TMIGD3: variants seen among roughly 807,000 people sequenced by gnomAD.
The protein encoded by TMIGD3 is transmembrane and immunoglobulin domain containing 3.
TMIGD3 carries 21 observed loss-of-function variants against 28.1 expected under a neutral mutation model. The ratio of observed to expected loss-of-function variants is 0.75; its 90% CI spans 0.53 to 1.08. TMIGD3 has a LOEUF of 1.08. Among genes scored for constraint, TMIGD3 ranks in the 50% least tolerant of loss-of-function variants. The pLI is 0.00. For missense variants in TMIGD3, 416 were observed against 435.6 expected (o/e 0.96, Z 0.40); for synonymous variants, 151 against 162.1 (o/e 0.93, Z 0.52).
intron 1 of TMIGD3, among the ~76,000 whole-genome samples, chr1:111,520,138 A>G (rs1459220573): frequency 6.6e-6 from 1 of 152,248 alleles, no homozygotes; most frequent in Non-Finnish European, 1.5e-5. Context: ...AACTAATAGT[A>G]AATTCTGCAG....
At chr1:111,555,395 CCAGA>C (rs1330295859) in intron 1 of TMIGD3, among the ~76,000 whole-genome samples, 443 of 114,930 alleles carry the variant, frequency 3.9e-3, no homozygotes, top group African/African-American at 0.016. Context: ...AAAAAAATTA[CCAGA>C]CATATTTGAA....
At chr1:111,508,154 G>A (rs1655574916), upstream of TMIGD3, among the ~76,000 whole-genome samples, 1 of 152,238 alleles carries the variant, frequency 6.6e-6, no homozygotes, top group Non-Finnish European at 1.5e-5. Flanking sequence ...GCCCCACGAA[G>A]GGGAGCTGCT....
At chr1:111,508,640 A>C (rs1402026350) in intron 1 of TMIGD3, among the ~76,000 whole-genome samples, 1 of 152,228 alleles carries the variant, frequency 6.6e-6, no homozygotes, top group African/African-American at 2.4e-5. Flanking sequence ...CAGAAGGTTG[A>C]GAAGCAGCTT....
At chr1:111,537,607 A>C (rs1275345877) in intron 1 of TMIGD3, among the ~76,000 whole-genome samples, 1 of 152,254 alleles carries the variant, frequency 6.6e-6, no homozygotes, top group Non-Finnish European at 1.5e-5. Context: ...GAACATCAGA[A>C]AGGACACCAG....
chr1:111,550,038 T>C (rs1261072361), intron 1 of TMIGD3, among the ~76,000 whole-genome samples: 1 of 152,234 alleles, frequency 6.6e-6, no homozygotes, highest in Non-Finnish European at 1.5e-5. Context: ...TTCTAGTCTT[T>C]CTTGAGTGAG....
chr1:111,559,622 T>C (rs1165517274), intron 1 of TMIGD3, among the ~76,000 whole-genome samples: 11 of 152,236 alleles, frequency 7.2e-5, no homozygotes, highest in African/African-American at 2.7e-4. Context: ...TGACACAAAC[T>C]ATATTTTGGG....
chr1:111,526,262 A>T (rs774173691), intron 1 of TMIGD3, among the ~76,000 whole-genome samples: 10 of 152,058 alleles, frequency 6.6e-5, no homozygotes, highest in Non-Finnish European at 1.2e-4. Flanking sequence ...AGTTCCCATA[A>T]TCTCCATGTG....
chr1:111,486,982 G>T (rs1213437586), intron 3 of TMIGD3, among the ~76,000 whole-genome samples: 2 of 152,210 alleles, frequency 1.3e-5, no homozygotes, highest in African/African-American at 4.8e-5. Flanking sequence ...CATAGTTACA[G>T]TCCTAAACTG....
At chr1:111,560,054 C>T (rs1429358964) in intron 1 of TMIGD3, among the ~76,000 whole-genome samples, 2 of 152,168 alleles carry the variant, frequency 1.3e-5, no homozygotes, top group African/African-American at 4.8e-5. Flanking sequence ...TCATTCAACA[C>T]TCTTTTACTG....
At chr1:111,535,745 A>G (rs1031560885) in intron 1 of TMIGD3, among the ~76,000 whole-genome samples, 4 of 152,280 alleles carry the variant, frequency 2.6e-5, no homozygotes, top group African/African-American at 7.2e-5. Context: ...CCAGGATTTT[A>G]CTCTCCAGAC....
intron 1 of TMIGD3, among the ~76,000 whole-genome samples, chr1:111,553,017 T>C (rs1657332586): frequency 6.6e-6 from 1 of 152,210 alleles, no homozygotes; most frequent in Non-Finnish European, 1.5e-5. Flanking sequence ...AGCTCCACTT[T>C]TGTGGAACTT....
chr1:111,487,662 T>C (rs1343477060), intron 3 of TMIGD3, among the ~76,000 whole-genome samples: 1 of 151,950 alleles, frequency 6.6e-6, no homozygotes, highest in African/African-American at 2.4e-5. Context: ...CAGCCAAGAG[T>C]TGTAATTTGT....
At chr1:111,555,876 C>A (rs966391684) in intron 1 of TMIGD3, among the ~76,000 whole-genome samples, 1 of 152,010 alleles carries the variant, frequency 6.6e-6, no homozygotes, top group Middle Eastern at 3.2e-3. Context: ...GGATATGACA[C>A]CAAAAGCAAA....
At chr1:111,489,851 A>G (rs1435182770) in intron 2 of TMIGD3, 1 of 667,472 alleles carries the variant, frequency 1.5e-6, no homozygotes, top group Non-Finnish European at 1.8e-6. Context: ...TCATCTCAGG[A>G]TATTGCACAA....
At chr1:111,498,605 T>C (rs1654999437) in intron 1 of TMIGD3, among the ~76,000 whole-genome samples, 1 of 152,252 alleles carries the variant, frequency 6.6e-6, no homozygotes, top group Non-Finnish European at 1.5e-5. Context: ...AGTTCTCCTG[T>C]AAGGCAGGGT....
At chr1:111,494,686 A>C (rs1654813513) in intron 1 of TMIGD3, among the ~76,000 whole-genome samples, 1 of 152,248 alleles carries the variant, frequency 6.6e-6, no homozygotes, top group African/African-American at 2.4e-5. Context: ...CCAAATAGCT[A>C]AGGCAATCCT....
rs147096386 is a variant in TMIGD3 at position 111,485,659 on chromosome 1, C to T, written c.973+81G>A. On this transcript the variant is annotated intron_variant, in intron 5 of 5. Transcript: ENST00000369716. The stretch of plus-strand genomic sequence containing the variant: ...CAGGCAATATGAAGAGGCTCTCATT[C>T]ACTCATTTGAAATCTGCTCCTTGAC... 5.7e-5 allele frequency: 63 copies of T among 1,112,130 alleles called. No homozygotes were observed. In the East Asian group the frequency reaches 1.5e-3, roughly 26 times the overall value. 68.9% of individuals were successfully genotyped at this position (1,112,130 alleles called of 1,614,324 possible).
intron 1 of TMIGD3, among the ~76,000 whole-genome samples, chr1:111,524,490 C>G (rs1286241482): frequency 1.3e-5 from 2 of 152,196 alleles, no homozygotes; most frequent in African/African-American, 4.8e-5. Flanking sequence ...TTCTGGAACA[C>G]TTGGTAACAT....
chr1:111,519,186 A>G (rs943386420), intron 1 of TMIGD3, among the ~76,000 whole-genome samples: 1 of 151,966 alleles, frequency 6.6e-6, no homozygotes, highest in African/African-American at 2.4e-5. Context: ...TGATCCATCC[A>G]CCTCGGCCTC....
Sources: allele counts gnomAD v4.1 joint callset (sites outside exome capture counted in the v4.1 genomes callset), GRCh38; gene constraint gnomAD v4.1.1; transcripts MANE v1.5; gene names NCBI Gene and HGNC (gene_info 2026-07-23, HGNC 2026-07-21).